RPH3AL: variants seen among roughly 807,000 people sequenced by gnomAD.
The protein encoded by RPH3AL is rab effector Noc2.
Under a neutral mutation model 43.1 loss-of-function variants are expected in RPH3AL, and 38 were observed. That is an observed-to-expected ratio of 0.88 (90% CI 0.68 to 1.15). The LOEUF (loss-of-function observed/expected upper bound fraction) is 1.15. Among genes scored for constraint, RPH3AL ranks in the 50% most tolerant of loss-of-function variants. The pLI, the probability that RPH3AL is intolerant of heterozygous loss-of-function variation, is 0.00. For missense variants in RPH3AL, 462 were observed against 423.2 expected (o/e 1.09, Z -0.81); for synonymous variants, 189 against 176.3 (o/e 1.07, Z -0.57).
chr17:273,066 G>A (rs1230341662), intron 6 of RPH3AL, among the ~76,000 whole-genome samples: 61 of 145,170 alleles, frequency 4.2e-4, no homozygotes, highest in Non-Finnish European at 6.4e-4. Flanking sequence ...CCCCAGCGAG[G>A]GCGACGTCAG....
intron 5 of RPH3AL, among the ~76,000 whole-genome samples, chr17:308,197 A>T (rs1446817173): frequency 1.3e-5 from 2 of 152,240 alleles, no homozygotes; most frequent in African/African-American, 4.8e-5. Flanking sequence ...TGGCTCAAGG[A>T]GGCTGCTGCT....
chr17:277,859 G>C (rs569647459), intron 6 of RPH3AL, among the ~76,000 whole-genome samples: 86 of 152,246 alleles, frequency 5.6e-4, no homozygotes, highest in African/African-American at 2.0e-3. Context: ...GGAGGCTGAG[G>C]GGGGAGGGTT....
chr17:273,572 T>C lies in RPH3AL; in HGVS notation c.438+8196A>G, dbSNP rs866613479. On this transcript the variant is annotated intron_variant, in intron 6 of 9. Transcript: ENST00000331302. ...CGTCAGGGAGAGACCCCAGCGAGGG[T>C]GACGTCAGGGTGAGACCCCGGCGAG... Among the ~76,000 whole-genome samples the C allele has an allele frequency of 5.6e-4, 26 of 46,648 alleles. 10 individuals are homozygous for C. The highest frequency in any genetic ancestry group is 3.0e-3 in the African/African-American group (24 of 8,054). The allele number at this position is 46,648 out of a possible 152,430, so 30.6% of individuals were successfully genotyped here. A position where few individuals can be genotyped will look rare whatever the true frequency, so the allele number is the denominator to read the frequency against.
chr17:310,295 G>A (rs1425947676), intron 5 of RPH3AL, among the ~76,000 whole-genome samples: 1 of 152,180 alleles, frequency 6.6e-6, no homozygotes, highest in African/African-American at 2.4e-5. Flanking sequence ...CAATTACGGA[G>A]GGGACGCAGC....
chr17:213,704 G>C lies in RPH3AL; in HGVS notation c.*148C>G. The C allele has an allele frequency of 1.4e-6, 1 of 694,522 alleles. No individual in the cohort carries two copies. Among genetic ancestry groups the C allele is most frequent in the Admixed American group, 2.1e-5 (1 of 47,942 alleles). 43.0% of individuals were successfully genotyped at this position (694,522 alleles called of 1,614,324 possible). A position where few individuals can be genotyped will look rare whatever the true frequency, so the allele number is the denominator to read the frequency against. On this transcript the variant is annotated 3_prime_UTR_variant, in exon 10 of 10. Transcript: ENST00000331302. ...GAGAAGGGGTGCAGAAAGGCACTGA[G>C]CTGGGGAGGCAGACGGCTCCCAACA...
At chr17:258,925 G>A (rs567275059) in intron 6 of RPH3AL, among the ~76,000 whole-genome samples, 11 of 151,842 alleles carry the variant, frequency 7.2e-5, no homozygotes, top group African/African-American at 2.4e-4. Flanking sequence ...CATGCCCGGC[G>A]AAGTCAACCA....
intron 5 of RPH3AL, among the ~76,000 whole-genome samples, chr17:291,561 G>A (rs1033075188): frequency 1.1e-4 from 16 of 152,150 alleles, no homozygotes; most frequent in African/African-American, 3.4e-4. Context: ...AAATAGCTAC[G>A]TCTGAATGGC....
intron 3 of RPH3AL, among the ~76,000 whole-genome samples, chr17:324,681 T>TTCTATCTAGCTAGCTAGCTAGCTATCTA (rs1555525129): frequency 7.7e-6 from 1 of 130,056 alleles, no homozygotes; most frequent in Non-Finnish European, 1.7e-5. Context: ...CTTTCTATCT[T>TTCTATCTAGCTAGCTAGCTAGCTATCTA]TCTATCTATC....
chr17:242,342 C>T (rs2041567675), intron 7 of RPH3AL, among the ~76,000 whole-genome samples: 2 of 82,760 alleles, frequency 2.4e-5, no homozygotes, highest in Admixed American at 1.2e-4. Context: ...GACTACCTTC[C>T]TCTATTGACT....
intron 1 of RPH3AL, among the ~76,000 whole-genome samples, chr17:340,706 C>A (rs570622180): frequency 1.1e-4 from 14 of 129,108 alleles, no homozygotes; most frequent in African/African-American, 3.4e-4. Flanking sequence ...GGGCCCAGGC[C>A]TCCCCACATC....
At chr17:321,987 G>C (rs2044495091) in intron 3 of RPH3AL, among the ~76,000 whole-genome samples, 1 of 152,234 alleles carries the variant, frequency 6.6e-6, no homozygotes. Flanking sequence ...TAGTGAGACG[G>C]AGTTCACCAG....
chr17:324,117 G>A (rs1410580270), intron 3 of RPH3AL, among the ~76,000 whole-genome samples: 1 of 152,200 alleles, frequency 6.6e-6, no homozygotes. Context: ...GAGGAAACGA[G>A]GTGCGGAACG....
chr17:247,076 C>A, intron 7 of RPH3AL, 35 bp downstream of exon 7: 3 of 1,612,554 alleles, frequency 1.9e-6, no homozygotes, highest in Non-Finnish European at 2.5e-6. Context: ...CCAAACTTTA[C>A]AGGCCATCCT....
At chr17:252,185 G>A (rs9901911) in intron 6 of RPH3AL, among the ~76,000 whole-genome samples, 21,584 of 151,772 alleles carry the variant, frequency 0.14, 1,602 homozygotes, top group South Asian at 0.18. Flanking sequence ...ATGTTACTCA[G>A]GCTGGTCTCT....
chr17:229,840 G>C (rs1210149667), intron 7 of RPH3AL, among the ~76,000 whole-genome samples: 1 of 152,226 alleles, frequency 6.6e-6, no homozygotes, highest in Admixed American at 6.5e-5. Context: ...AAGGGAGAAA[G>C]GGGGCTCTGA....
At chr17:298,897 C>T (rs531962155) in intron 5 of RPH3AL, among the ~76,000 whole-genome samples, 10 of 151,984 alleles carry the variant, frequency 6.6e-5, no homozygotes, top group South Asian at 4.2e-4. Context: ...AGGTCGGGGC[C>T]GGGGGAGCCA....
chr17:223,247 T>A (rs1370266298), intron 7 of RPH3AL, among the ~76,000 whole-genome samples: 1 of 151,824 alleles, frequency 6.6e-6, no homozygotes, highest in Non-Finnish European at 1.5e-5. Context: ...AACAATTGTC[T>A]CTTTTCTGCC....
chr17:285,298 G>A (rs1440433454), intron 5 of RPH3AL, among the ~76,000 whole-genome samples: 2 of 152,178 alleles, frequency 1.3e-5, no homozygotes, highest in Non-Finnish European at 2.9e-5. Context: ...CGGCGCACAG[G>A]TTTGGGGATG....
intron 1 of RPH3AL, among the ~76,000 whole-genome samples, chr17:337,899 C>T (rs558405685): frequency 2.0e-3 from 303 of 152,356 alleles, no homozygotes; most frequent in Non-Finnish European, 2.4e-3. Context: ...GCAACTCCCG[C>T]TCCAGTGGAC....
Sources: allele counts gnomAD v4.1 joint callset (sites outside exome capture counted in the v4.1 genomes callset), GRCh38; gene constraint gnomAD v4.1.1; transcripts MANE v1.5; gene names NCBI Gene and HGNC (gene_info 2026-07-23, HGNC 2026-07-21).